CAMK2B: variants seen among roughly 807,000 people sequenced by gnomAD.
The protein encoded by CAMK2B is calcium/calmodulin-dependent protein kinase type II subunit beta.
Under a neutral mutation model 93.7 loss-of-function variants are expected in CAMK2B, and 27 were observed. The ratio of observed to expected loss-of-function variants is 0.29; its 90% CI spans 0.21 to 0.40. CAMK2B has a LOEUF of 0.40. CAMK2B is among the 10% of genes least tolerant of loss of function. The probability of loss-of-function intolerance (pLI) is 1.00; values close to 1 mark genes in which losing one functional copy is unlikely to be tolerated. For synonymous variants in CAMK2B, 374 were observed against 358.8 expected, an observed-to-expected ratio of 1.04 and a Z score of -0.48; for missense variants, 568 against 895.8, an observed-to-expected ratio of 0.63 and a Z score of 4.67.
At chr7:44,314,893 C>T (rs539594477) in intron 1 of CAMK2B, among the ~76,000 whole-genome samples, 1 of 152,274 alleles carries the variant, frequency 6.6e-6, no homozygotes, top group South Asian at 2.1e-4. Context: ...AGAGAAATGT[C>T]TAAGTCCTTT....
chr7:44,229,050 A>T, intron 18 of CAMK2B, 126 bp from the exon 19 acceptor site: 1 of 904,152 alleles, frequency 1.1e-6, no homozygotes, highest in Non-Finnish European at 1.8e-6. Context: ...CAGGCCCTGA[A>T]TCAGAGCCTG....
chr7:44,253,530 T>C (rs1451700857), intron 5 of CAMK2B, among the ~76,000 whole-genome samples: 1 of 152,168 alleles, frequency 6.6e-6, no homozygotes, highest in Admixed American at 6.5e-5. Flanking sequence ...AGTTTTTAAA[T>C]AGACAAAGAT....
At chr7:44,290,918 G>T in intron 1 of CAMK2B, among the ~76,000 whole-genome samples, 1 of 152,190 alleles carries the variant, frequency 6.6e-6, no homozygotes, top group East Asian at 1.9e-4. Context: ...AAACAAGAGG[G>T]TCTACAGAAT....
intron 1 of CAMK2B, among the ~76,000 whole-genome samples, chr7:44,289,045 A>G (rs1785973325): frequency 6.6e-6 from 1 of 152,088 alleles, no homozygotes; most frequent in Non-Finnish European, 1.5e-5. Context: ...CATCCAGTCT[A>G]TGGCTCCTCT....
intron 3 of CAMK2B, among the ~76,000 whole-genome samples, chr7:44,259,158 C>G (rs1281718146): frequency 6.6e-6 from 1 of 152,170 alleles, no homozygotes; most frequent in South Asian, 2.1e-4. Flanking sequence ...CAGGGCAGTG[C>G]CACTGCCCTC....
intron 1 of CAMK2B, among the ~76,000 whole-genome samples, chr7:44,289,961 C>G (rs1358081826): frequency 6.6e-6 from 1 of 152,232 alleles, no homozygotes; most frequent in African/African-American, 2.4e-5. Flanking sequence ...AGTTTCCTCC[C>G]CAAGTGCTGG....
chr7:44,255,651 C>T (rs2096827635), intron 4 of CAMK2B, among the ~76,000 whole-genome samples: 1 of 152,148 alleles, frequency 6.6e-6, no homozygotes, highest in South Asian at 2.1e-4. Context: ...TGGCAGTTTT[C>T]CCCATTGGTT....
At chr7:44,236,360 C>T (rs1003872277) in intron 13 of CAMK2B, among the ~76,000 whole-genome samples, 1 of 152,238 alleles carries the variant, frequency 6.6e-6, no homozygotes, top group Non-Finnish European at 1.5e-5. Flanking sequence ...CCTCCCCTTC[C>T]TCACAGATCT....
At chr7:44,273,906 C>T (rs2097002505) in intron 2 of CAMK2B, among the ~76,000 whole-genome samples, 1 of 152,012 alleles carries the variant, frequency 6.6e-6, no homozygotes, top group African/African-American at 2.4e-5. Context: ...CAGCCCGAGG[C>T]CAGGGAGCAC....
intron 3 of CAMK2B, among the ~76,000 whole-genome samples, chr7:44,262,075 A>G (rs970375444): frequency 3.9e-5 from 6 of 152,358 alleles, no homozygotes; most frequent in Admixed American, 2.0e-4. Flanking sequence ...GTGAAGCATC[A>G]GATGAGGCGA....
chr7:44,296,004 T>G (rs1256785697), intron 1 of CAMK2B, among the ~76,000 whole-genome samples: 1 of 152,170 alleles, frequency 6.6e-6, no homozygotes, highest in African/African-American at 2.4e-5. Context: ...GTCACATTAC[T>G]GAAGGCCAGT....
chr7:44,285,193 G>A (rs1373580440), intron 1 of CAMK2B, among the ~76,000 whole-genome samples: 5 of 152,240 alleles, frequency 3.3e-5, no homozygotes, highest in African/African-American at 1.2e-4. Flanking sequence ...CGCAGAATCT[G>A]ACTAGTCACC....
At chr7:44,222,478 C>T (rs546823866) in intron 20 of CAMK2B, among the ~76,000 whole-genome samples, 217 of 152,098 alleles carry the variant, frequency 1.4e-3, no homozygotes, top group Non-Finnish European at 2.6e-3. Flanking sequence ...CTCTGTCACC[C>T]GGGCTGGAGT....
chr7:44,291,233 G>A (rs1369938483), intron 1 of CAMK2B, among the ~76,000 whole-genome samples: 2 of 152,170 alleles, frequency 1.3e-5, no homozygotes, highest in African/African-American at 4.8e-5. Flanking sequence ...GAGTGTTGGG[G>A]TTCCGCCAAG....
chr7:44,258,817 C>T, intron 4 of CAMK2B, 55 bp downstream of exon 4: 1 of 1,540,966 alleles, frequency 6.5e-7, no homozygotes. Flanking sequence ...GCAGATCCCA[C>T]CCTGAGCCAA....
chr7:44,262,489 C>G (rs572422053), intron 3 of CAMK2B, among the ~76,000 whole-genome samples: 1 of 152,344 alleles, frequency 6.6e-6, no homozygotes, highest in Non-Finnish European at 1.5e-5. Context: ...AGCCCGAGAA[C>G]AGCATGTGCT....
In CAMK2B at chr7:44,225,623, G is replaced by C; in HGVS notation, c.1597+893C>G. 2 of 749,082 alleles carry C rather than the reference G, an allele frequency of 2.7e-6. No homozygotes were observed. The highest frequency in any genetic ancestry group is 3.9e-6 in the Non-Finnish European group (2 of 512,098). 46.4% of individuals were successfully genotyped at this position (749,082 alleles called of 1,614,324 possible). On this transcript the variant is annotated intron_variant, in intron 20 of 23. Coordinates refer to ENST00000395749, the MANE Select transcript of CAMK2B (RefSeq NM_001220.5). This position sits in a 1 kb window ranked among gnomAD's most constrained non-coding sequence, Gnocchi z 5.0. Reference sequence around the variant, plus strand: ...CAGTGCCCCTTTGAGCCTGCAGCCTGCATCCCCCTCCTCGAGCCGCTGCTC... The same window carrying C: ...CAGTGCCCCTTTGAGCCTGCAGCCTCCATCCCCCTCCTCGAGCCGCTGCTC...
chr7:44,294,820 C>T (rs546576490), intron 1 of CAMK2B, among the ~76,000 whole-genome samples: 1 of 152,322 alleles, frequency 6.6e-6, no homozygotes, highest in African/African-American at 2.4e-5. Context: ...GACACTAAAG[C>T]AGTGCACCCA....
chr7:44,252,367 C>T (rs909084635), intron 5 of CAMK2B, among the ~76,000 whole-genome samples: 6 of 151,724 alleles, frequency 4.0e-5, no homozygotes, highest in Non-Finnish European at 8.8e-5. Context: ...ACACAGGGGG[C>T]CAAGAGGGAT....
Sources: allele counts gnomAD v4.1 joint callset (sites outside exome capture counted in the v4.1 genomes callset), GRCh38; gene constraint gnomAD v4.1.1; non-coding constraint Gnocchi (gnomAD v3.1); transcripts MANE v1.5; gene names NCBI Gene and HGNC (gene_info 2026-07-23, HGNC 2026-07-21).